The following FAF1 variants were observed in gnomAD, a reference collection of about 807,000 sequenced individuals.
FAF1 encodes FAS-associated factor 1.
Under a neutral mutation model 92.5 loss-of-function variants are expected in FAF1, and 25 were observed. The observed-to-expected ratio is 0.27, with a 90% CI of 0.20 to 0.38. The LOEUF is 0.38. Among genes scored for constraint, FAF1 ranks in the 10% least tolerant of loss-of-function variants. FAF1 has a pLI of 1.00. For synonymous variants in FAF1, 234 were observed against 273.2 expected (o/e 0.86, Z 1.42); for missense variants, 636 against 793.3 (o/e 0.80, Z 2.38).
intron 4 of FAF1, among the ~76,000 whole-genome samples, chr1:50,754,250 G>T (rs555990643): frequency 1.4e-3 from 210 of 152,222 alleles, no homozygotes; most frequent in Middle Eastern, 0.014. Flanking sequence ...GCTTAATTTT[G>T]GGATGCAGTT....
intron 9 of FAF1, among the ~76,000 whole-genome samples, chr1:50,590,202 A>C (rs1651436370): frequency 6.6e-6 from 1 of 152,214 alleles, no homozygotes; most frequent in Non-Finnish European, 1.5e-5. Flanking sequence ...TTTCTGCAAA[A>C]AACCACCATT....
At chr1:50,883,990 T>A (rs1037391468) in intron 1 of FAF1, among the ~76,000 whole-genome samples, 6 of 151,820 alleles carry the variant, frequency 4.0e-5, no homozygotes, top group African/African-American at 1.5e-4. Flanking sequence ...CCAGGCATGG[T>A]GGTGCACACC....
intron 1 of FAF1, among the ~76,000 whole-genome samples, chr1:50,926,987 T>C (rs1244306944): frequency 6.6e-6 from 1 of 152,222 alleles, no homozygotes; most frequent in African/African-American, 2.4e-5. Context: ...AAAAATACTA[T>C]GTTAAGTGAA....
rs570824745 is a variant in FAF1 at position 50,856,363 on chromosome 1, G to A, written c.114+1566C>T. Among the ~76,000 whole-genome samples, 5 of 151,864 alleles carry A rather than the reference G, an allele frequency of 3.3e-5. No homozygotes were observed. The South Asian group carries it at 1.0e-3, about 31-fold the overall frequency. On this transcript the variant is annotated intron_variant, in intron 2 of 18. Transcript: ENST00000396153. ...AGAAGACTCAAGACAAGAAACTTGG[G>A]AGCATCGTTTCGATTAAGCCACTGC...
chr1:50,558,962 C>T (rs775456883), intron 13 of FAF1, among the ~76,000 whole-genome samples: 1 of 152,066 alleles, frequency 6.6e-6, no homozygotes, highest in Non-Finnish European at 1.5e-5. Context: ...AAAGGATAAT[C>T]TATTTTGGCC....
chr1:50,836,457 G>A (rs1437237464), intron 2 of FAF1, among the ~76,000 whole-genome samples: 1 of 151,800 alleles, frequency 6.6e-6, no homozygotes, highest in Non-Finnish European at 1.5e-5. Flanking sequence ...GTAATGTTAG[G>A]GACAAAAATT....
intron 6 of FAF1, among the ~76,000 whole-genome samples, chr1:50,736,431 G>A (rs1470481859): frequency 1.3e-5 from 2 of 152,140 alleles, no homozygotes; most frequent in Non-Finnish European, 2.9e-5. Context: ...CTAGGATATT[G>A]TTTGTTTGAT....
chr1:50,874,318 T>A (rs536915396), intron 1 of FAF1, among the ~76,000 whole-genome samples: 43 of 152,252 alleles, frequency 2.8e-4, no homozygotes, highest in African/African-American at 1.0e-3. Context: ...CATACCCTGG[T>A]ATACCCTCCA....
chr1:50,809,120 G>C (rs1192835008), intron 2 of FAF1, among the ~76,000 whole-genome samples: 1 of 152,030 alleles, frequency 6.6e-6, no homozygotes, highest in East Asian at 1.9e-4. Context: ...CATAGCTAAA[G>C]CAATGTTAGG....
intron 7 of FAF1, among the ~76,000 whole-genome samples, chr1:50,658,988 T>C (rs774460810): frequency 3.3e-5 from 5 of 152,134 alleles, no homozygotes; most frequent in Admixed American, 6.5e-5. Flanking sequence ...TACTAATAGA[T>C]TACAATTCCA....
intron 4 of FAF1, among the ~76,000 whole-genome samples, chr1:50,745,886 T>C (rs1195183307): frequency 6.6e-6 from 1 of 151,596 alleles, no homozygotes; most frequent in Non-Finnish European, 1.5e-5. Flanking sequence ...GCTGGAAGAG[T>C]GCAGAGAGCT....
chr1:50,646,505 T>G (rs1337981142), intron 8 of FAF1, among the ~76,000 whole-genome samples: 1 of 152,192 alleles, frequency 6.6e-6, no homozygotes, highest in Non-Finnish European at 1.5e-5. Context: ...AATAAATGCC[T>G]AAAACACTCT....
chr1:50,612,376 G>T (rs1332639423), intron 8 of FAF1: 2 of 1,230,066 alleles, frequency 1.6e-6, no homozygotes, highest in African/African-American at 3.2e-5. Flanking sequence ...AAATAAAGAG[G>T]TTCCGTTAGT....
chr1:50,694,824 G>A (rs1022068878), intron 7 of FAF1, among the ~76,000 whole-genome samples: 60 of 150,488 alleles, frequency 4.0e-4, no homozygotes, highest in Admixed American at 3.9e-3. Context: ...TTGGCCAGGC[G>A]TAGTGGTGGG....
chr1:50,911,397 G>C (rs943792238), intron 1 of FAF1, among the ~76,000 whole-genome samples: 24 of 150,522 alleles, frequency 1.6e-4, no homozygotes, highest in Non-Finnish European at 3.0e-5. Context: ...TTGTTTTCTT[G>C]AGAAAAACTT....
chr1:50,614,826 C>G lies in FAF1; in HGVS notation c.745-18610G>C, dbSNP rs371693133. Reference sequence around the variant, plus strand: ...TGCACTCCAGCCTGGGCCGCAACAGCGAAACTCCGTCTCAAAAAAAAAAAA... The same window carrying G: ...TGCACTCCAGCCTGGGCCGCAACAGGGAAACTCCGTCTCAAAAAAAAAAAA... On this transcript the variant is annotated intron_variant, in intron 8 of 18. Coordinates refer to ENST00000396153, the MANE Select transcript of FAF1 (RefSeq NM_007051.3). Among the ~76,000 whole-genome samples the G allele has an allele frequency of 2.3e-5, 3 of 128,852 alleles. No individual in the cohort carries two copies. The Admixed American group carries it at 2.7e-4, about 12-fold the overall frequency. 84.5% of individuals were successfully genotyped at this position (128,852 alleles called of 152,430 possible).
chr1:50,701,968 G>A (rs370370327), intron 7 of FAF1, among the ~76,000 whole-genome samples: 1 of 152,028 alleles, frequency 6.6e-6, no homozygotes, highest in Non-Finnish European at 1.5e-5. Flanking sequence ...CATGCTTCTT[G>A]TTGTAACAGA....
At chr1:50,863,101 T>C (rs113910111) in intron 1 of FAF1, among the ~76,000 whole-genome samples, 13,163 of 151,976 alleles carry the variant, frequency 0.087, 588 homozygotes, top group African/African-American at 0.098. Context: ...CCAAGATAGG[T>C]CATATGGTAG....
At chr1:50,678,600 T>C (rs952233151) in intron 7 of FAF1, among the ~76,000 whole-genome samples, 8 of 150,400 alleles carry the variant, frequency 5.3e-5, no homozygotes, top group Non-Finnish European at 7.4e-5. Flanking sequence ...GCCAACACGG[T>C]GAAACCCCGT....
Sources: gnomAD v4.1 joint callset for allele counts (sites outside exome capture counted in the v4.1 genomes callset) on GRCh38, gnomAD v4.1.1 for gene constraint, MANE v1.5 for transcripts, NCBI Gene and HGNC (gene_info 2026-07-23, HGNC 2026-07-21) for gene names.